The following RGS10 variants were observed in gnomAD, a reference collection of about 807,000 sequenced individuals.
RGS10 encodes the protein regulator of G-protein signalling 10.
In RGS10, 11 loss-of-function variants were observed where a neutral mutation model predicts 23.5. The observed-to-expected ratio is 0.47, with a 90% confidence interval of 0.29 to 0.77. RGS10 has a LOEUF of 0.77. Ranked by LOEUF, RGS10 falls within the 30% of genes least tolerant of loss-of-function variation. RGS10 has a pLI of 0.08. For synonymous variants in RGS10, 77 were observed against 83.2 expected (o/e 0.92, Z 0.41); for missense variants, 180 against 226.3 (o/e 0.80, Z 1.31).
intron 1 of RGS10, among the ~76,000 whole-genome samples, chr10:119,539,310 A>G (rs1225082992): frequency 2.0e-5 from 3 of 152,392 alleles, no homozygotes; most frequent in East Asian, 3.9e-4. Context: ...AAGCCCAGCC[A>G]TAAACTTAAA....
At chr10:119,507,692 C>T (rs980551605) in intron 4 of RGS10, among the ~76,000 whole-genome samples, 1 of 148,576 alleles carries the variant, frequency 6.7e-6, no homozygotes, top group Admixed American at 6.9e-5. Context: ...TCAATTGATT[C>T]TCCCGACCCA....
chr10:119,509,171 G>A (rs1289287311), intron 4 of RGS10, among the ~76,000 whole-genome samples: 1 of 152,160 alleles, frequency 6.6e-6, no homozygotes, highest in Non-Finnish European at 1.5e-5. Context: ...GCTGAGGTGG[G>A]CAGATCACTT....
At chr10:119,510,579 TAC>T (rs1359858321) in intron 4 of RGS10, among the ~76,000 whole-genome samples, 1 of 152,188 alleles carries the variant, frequency 6.6e-6, no homozygotes, top group African/African-American at 2.4e-5. Context: ...TTCCCTGTTG[TAC>T]ACACAGTTCC....
intron 3 of RGS10, among the ~76,000 whole-genome samples, chr10:119,519,667 C>G (rs1844190481): frequency 7.7e-6 from 1 of 129,636 alleles, no homozygotes; most frequent in Non-Finnish European, 1.6e-5. Flanking sequence ...CAGCTCCTGT[C>G]TCCCTGTCTG....
intron 1 of RGS10, among the ~76,000 whole-genome samples, chr10:119,542,150 C>T (rs546940912): frequency 6.6e-6 from 1 of 152,178 alleles, no homozygotes; most frequent in African/African-American, 2.4e-5. Context: ...GCCCAGGGGC[C>T]CAGTCGGATG....
At chr10:119,536,409 G>C (rs571893945) in intron 1 of RGS10, 3 of 1,555,894 alleles carry the variant, frequency 1.9e-6, no homozygotes, top group East Asian at 4.5e-5. Context: ...CCCCGCCCAG[G>C]GCCAAGGCGA....
chr10:119,526,085 C>T lies in RGS10; in HGVS notation c.202G>A (p.Val68Ile), dbSNP rs778006351. Residue 68 changes from valine to isoleucine, a missense_variant, in exon 3 of 5, where the codon GTT becomes ATT. Transcript: ENST00000369103. ...FLKKEFSEEN[V>I]LFWLACEDFK... ...TCTTCACATGCTAGCCAAAACAAAACATTTTCTTCACTGAATTCCTTTTTT... is the reference window on the plus strand; with the variant it reads ...TCTTCACATGCTAGCCAAAACAAAATATTTTCTTCACTGAATTCCTTTTTT... 6 of 1,580,694 alleles carry T rather than the reference C, an allele frequency of 3.8e-6. No individual in the cohort carries two copies. Among genetic ancestry groups the T allele is most frequent in the Middle Eastern group, 3.3e-4 (2 of 6,020 alleles).
At chr10:119,501,384 T>C (rs1030382892) in intron 4 of RGS10, among the ~76,000 whole-genome samples, 4 of 152,102 alleles carry the variant, frequency 2.6e-5, no homozygotes, top group Non-Finnish European at 4.4e-5. Context: ...CTGACATCTT[T>C]TAAGGCTGCC....
intron 1 of RGS10, among the ~76,000 whole-genome samples, chr10:119,541,763 C>G (rs754132301): frequency 6.6e-6 from 1 of 152,220 alleles, no homozygotes; most frequent in East Asian, 1.9e-4. Flanking sequence ...AGTTACCTAA[C>G]AGCGCCTGGC....
At chr10:119,521,440 G>T (rs1319316289) in intron 3 of RGS10, among the ~76,000 whole-genome samples, 1 of 151,422 alleles carries the variant, frequency 6.6e-6, no homozygotes, top group African/African-American at 2.4e-5. Flanking sequence ...TGTGTTGGAG[G>T]GTGCCTGTAA....
At chr10:119,530,138 G>A (rs1440141832) in intron 1 of RGS10, among the ~76,000 whole-genome samples, 1 of 152,118 alleles carries the variant, frequency 6.6e-6, no homozygotes, top group African/African-American at 2.4e-5. Flanking sequence ...ACCTCTAAAT[G>A]ATATATTTTT....
At chr10:119,518,029 TCACGGGAA>T (rs1229780630) in intron 3 of RGS10, among the ~76,000 whole-genome samples, 1 of 152,194 alleles carries the variant, frequency 6.6e-6, no homozygotes, top group Non-Finnish European at 1.5e-5. Context: ...CACAAGCCAG[TCACGGGAA>T]GGCCTGGTGT....
intron 4 of RGS10, among the ~76,000 whole-genome samples, chr10:119,510,048 A>C (rs1376334353): frequency 6.6e-6 from 1 of 152,038 alleles, no homozygotes; most frequent in Non-Finnish European, 1.5e-5. Flanking sequence ...TTCACGGCTG[A>C]CTTTCTAATA....
In RGS10 at chr10:119,500,055, G is replaced by A. The variant is rs542405899; in HGVS notation, c.*58C>T. 8.8e-5 allele frequency: 138 copies of A among 1,567,196 alleles called. No homozygotes were observed. The African/African-American group carries it at 1.5e-3, about 18-fold the overall frequency. ...AACAAAGCAATGATAAACCCGGCAC[G>A]GTCCTGAGAGGAAATTCCTTTGCTT... On this transcript the variant is annotated 3_prime_UTR_variant, in exon 5 of 5. Transcript: ENST00000369103.
At chr10:119,519,407 CTG>C (rs1300529327) in intron 3 of RGS10, among the ~76,000 whole-genome samples, 13 of 137,542 alleles carry the variant, frequency 9.5e-5, no homozygotes, top group African/African-American at 3.3e-4. Context: ...TCCTGTCTCC[CTG>C]TGTCTGTCTC....
At chr10:119,506,824 C>G (rs563941266) in intron 4 of RGS10, among the ~76,000 whole-genome samples, 10 of 152,332 alleles carry the variant, frequency 6.6e-5, no homozygotes, top group African/African-American at 2.4e-4. Context: ...CCTCAGCCTC[C>G]CAAGTAGCTG....
intron 4 of RGS10, among the ~76,000 whole-genome samples, chr10:119,505,672 G>A (rs979676561): frequency 6.6e-5 from 10 of 152,174 alleles, no homozygotes; most frequent in African/African-American, 9.6e-5. Flanking sequence ...CAAATGTGCC[G>A]CTCCAGGAAA....
In RGS10 at chr10:119,515,516, T is replaced by C; in HGVS notation, c.392A>G (p.Gln131Arg). The C allele has an allele frequency of 6.2e-7, 1 of 1,614,176 alleles. No individual in the cohort carries two copies. Among genetic ancestry groups the C allele is most frequent in the South Asian group, 1.1e-5 (1 of 91,082 alleles). ...GCAGGGAAGTCGGGTTACCTGGTCCTGGAGTTTCTGGAACATCAGAGGGTG... is the reference window on the plus strand; with the variant it reads ...GCAGGGAAGTCGGGTTACCTGGTCCCGGAGTTTCTGGAACATCAGAGGGTG... ...EPHPLMFQKL[Q>R]DQIFNLMKYD... Residue 131 changes from glutamine to arginine, a missense_variant, in exon 4 of 5, where the codon CAG (glutamine) becomes CGG (arginine). Coordinates refer to ENST00000369103, the MANE Select transcript of RGS10 (RefSeq NM_001005339.2).
intron 2 of RGS10, 37 bp from the exon 3 acceptor site, chr10:119,526,155 A>C (rs761674011): frequency 1.8e-6 from 2 of 1,120,872 alleles, no homozygotes; most frequent in Non-Finnish European, 2.6e-6. Flanking sequence ...ACAGTATTCT[A>C]CTTTAAAAAA....
Sources: allele counts gnomAD v4.1 joint callset (sites outside exome capture counted in the v4.1 genomes callset), GRCh38; gene constraint gnomAD v4.1.1; transcripts MANE v1.5; gene names NCBI Gene and HGNC (gene_info 2026-07-23, HGNC 2026-07-21).